TVP23A: variants seen among roughly 807,000 people sequenced by gnomAD.
TVP23A encodes trans-golgi network vesicle protein 23 homolog A.
A neutral mutation model predicts 31.7 loss-of-function variants in TVP23A; 21 were observed. The observed-to-expected ratio is 0.66, with a 90% CI of 0.47 to 0.95. The LOEUF (loss-of-function observed/expected upper bound fraction) is 0.95. TVP23A is among the 40% of genes least tolerant of loss of function. The pLI is 0.00. For missense variants in TVP23A, 279 were observed against 255.6 expected, an observed-to-expected ratio of 1.09 and a Z score of -0.62; for synonymous variants, 104 against 96.0, an observed-to-expected ratio of 1.08 and a Z score of -0.49.
At chr16:10,788,757 T>G (rs2142981744) in intron 2 of TVP23A, among the ~76,000 whole-genome samples, 1 of 152,294 alleles carries the variant, frequency 6.6e-6, no homozygotes, top group African/African-American at 2.4e-5. Flanking sequence ...TAAATGAATC[T>G]CCTTTGTGCT....
chr16:10,785,713 T>C (rs1056191342), intron 2 of TVP23A, among the ~76,000 whole-genome samples: 2 of 152,106 alleles, frequency 1.3e-5, no homozygotes, highest in Admixed American at 1.3e-4. Flanking sequence ...AAGATGAACA[T>C]TGGTTGGGTC....
downstream of TVP23A, among the ~76,000 whole-genome samples, chr16:10,763,070 G>A (rs1464664945): frequency 6.6e-6 from 1 of 152,082 alleles, no homozygotes; most frequent in Non-Finnish European, 1.5e-5. Context: ...GAGGGTCAAG[G>A]TTGTCCCTGC....
At chr16:10,810,646 A>G (rs28770310) in intron 2 of TVP23A, among the ~76,000 whole-genome samples, 115 of 152,204 alleles carry the variant, frequency 7.6e-4, no homozygotes, top group African/African-American at 2.7e-3. Context: ...TGAATACGAC[A>G]ACAAAGAAAG....
In TVP23A at chr16:10,768,842, C is replaced by A; in HGVS notation, c.*260G>T. On this transcript the variant is annotated 3_prime_UTR_variant, in exon 8 of 8. Coordinates refer to ENST00000299866, the MANE Select transcript of TVP23A (RefSeq NM_001079512.4). This position sits in a 1 kb window ranked among gnomAD's most constrained non-coding sequence, Gnocchi z 4.3. The stretch of plus-strand genomic sequence containing the variant: ...CATCTATAGATGGTCCGAGGAAGGC[C>A]GCAGCCACTGGTTATGAGCAAGATG... 1 of 526,504 alleles carries A rather than the reference C, an allele frequency of 1.9e-6. No homozygotes were observed. Among genetic ancestry groups the A allele is most frequent in the Non-Finnish European group, 3.4e-6 (1 of 296,672 alleles). 32.6% of individuals were successfully genotyped at this position (526,504 alleles called of 1,614,324 possible). A position where few individuals can be genotyped will look rare whatever the true frequency, so the allele number is the denominator to read the frequency against.
At chr16:10,771,827 A>G (rs1413814534) in intron 5 of TVP23A, 29 bp from the exon 6 acceptor site, 9 of 1,550,886 alleles carry the variant, frequency 5.8e-6, no homozygotes, top group Non-Finnish European at 7.8e-6. Context: ...AGCAAAGGTC[A>G]CTTTTTTTTG....
chr16:10,816,121 G>A (rs1205894038), intron 2 of TVP23A, among the ~76,000 whole-genome samples: 1 of 151,844 alleles, frequency 6.6e-6, no homozygotes, highest in Non-Finnish European at 1.5e-5. Flanking sequence ...TAGCTACTAG[G>A]GAGGCTGAGG....
In TVP23A at chr16:10,767,939, C is replaced by A; in HGVS notation, c.*1163G>T. ...GGACTGAATTGTCTTCCGTTTGTTTCTTTTTTAAGGTAAGAATTGTGACAA... is the reference window on the plus strand; with the variant it reads ...GGACTGAATTGTCTTCCGTTTGTTTATTTTTTAAGGTAAGAATTGTGACAA... On this transcript the variant is annotated 3_prime_UTR_variant, in exon 8 of 8. Transcript: ENST00000299866. This position sits in a 1 kb window ranked among gnomAD's most constrained non-coding sequence, Gnocchi z 4.6. The A allele has an allele frequency of 6.2e-7, 1 of 1,613,884 alleles. No individual in the cohort carries two copies. The highest frequency in any genetic ancestry group is 1.7e-5 in the Admixed American group (1 of 60,010).
At chr16:10,796,419 A>ATTTTC (rs1489751945) in intron 2 of TVP23A, among the ~76,000 whole-genome samples, 34 of 140,556 alleles carry the variant, frequency 2.4e-4, no homozygotes, top group African/African-American at 9.6e-4. Flanking sequence ...AGTAAAAGGG[A>ATTTTC]TTTTATTTTA....
At chr16:10,801,166 T>C (rs1336086958) in intron 2 of TVP23A, among the ~76,000 whole-genome samples, 4 of 151,944 alleles carry the variant, frequency 2.6e-5, no homozygotes, top group East Asian at 3.9e-4. Flanking sequence ...CCTGGGATTG[T>C]AGGTAAGAGG....
chr16:10,784,321 T>C (rs1369553271), intron 2 of TVP23A, among the ~76,000 whole-genome samples: 2 of 147,770 alleles, frequency 1.4e-5, no homozygotes, highest in African/African-American at 5.0e-5. Flanking sequence ...AGAGCAAGAC[T>C]CTGTCTCAAA....
intron 2 of TVP23A, among the ~76,000 whole-genome samples, chr16:10,810,309 G>A (rs1270667088): frequency 6.6e-6 from 1 of 152,124 alleles, no homozygotes; most frequent in African/African-American, 2.4e-5. Flanking sequence ...AGCACTTTGA[G>A]AGGCCAAGGT....
chr16:10,816,228 CAAAAAAA>C (rs760801777), intron 2 of TVP23A, among the ~76,000 whole-genome samples: 3,302 of 73,872 alleles, frequency 0.045, 162 homozygotes, highest in African/African-American at 0.12. Flanking sequence ...AACCCTATCT[CAAAAAAA>C]AAAAAAAAAA....
At chr16:10,799,205 C>T (rs77132986) in intron 2 of TVP23A, among the ~76,000 whole-genome samples, 3,548 of 152,326 alleles carry the variant, frequency 0.023, 131 homozygotes, top group African/African-American at 0.081. Context: ...ACCACCCAGC[C>T]GAGCTGCTCC....
In TVP23A at chr16:10,800,585, A is replaced by ATGAGTTAATATGAAG. The variant is rs1157560801; in HGVS notation, c.89+17517_89+17518insCTTCATATTAACTCA. Among the ~76,000 whole-genome samples, 19 of 152,360 alleles carry ATGAGTTAATATGAAG rather than the reference A, an allele frequency of 1.2e-4. No individual in the cohort carries two copies. The South Asian group carries it at 3.7e-3, about 30-fold the overall frequency. On this transcript the variant is annotated intron_variant, in intron 2 of 7. Coordinates refer to ENST00000299866, the MANE Select transcript of TVP23A (RefSeq NM_001079512.4). ...TTTAATGGGAGAATTGAGTGGTCAT[A>ATGAGTTAATATGAAG]TTAACTCCTTCAGCAAATACTGAAT...
chr16:10,770,446 C>T, intron 6 of TVP23A, 115 bp from the exon 7 acceptor site: 6 of 1,163,658 alleles, frequency 5.2e-6, no homozygotes, highest in Non-Finnish European at 7.2e-6. Flanking sequence ...GAATTGGTTG[C>T]TTGATGTCTT....
chr16:10,804,469 C>T (rs537736897), intron 2 of TVP23A, among the ~76,000 whole-genome samples: 4 of 152,242 alleles, frequency 2.6e-5, no homozygotes, highest in East Asian at 3.9e-4. Flanking sequence ...GCCAGCAGGC[C>T]GGGCACAGTA....
chr16:10,774,945 G>A lies in TVP23A; in HGVS notation c.234+7C>T, dbSNP rs1015891587. On this transcript the variant is annotated splice_region_variant and intron_variant, in intron 3 of 7. Coordinates refer to ENST00000299866, the MANE Select transcript of TVP23A (RefSeq NM_001079512.4). The stretch of plus-strand genomic sequence containing the variant: ...GGAAGTGATGACATCACACGAAAGG[G>A]CCTCACCTTCACAGACCAGAAGTCC... The A allele has an allele frequency of 1.2e-6, 2 of 1,611,280 alleles. No individual in the cohort carries two copies. Among genetic ancestry groups the A allele is most frequent in the Middle Eastern group, 1.7e-4 (1 of 6,060 alleles).
At chr16:10,795,822 G>A (rs899117451) in intron 2 of TVP23A, among the ~76,000 whole-genome samples, 6 of 152,050 alleles carry the variant, frequency 3.9e-5, no homozygotes, top group Admixed American at 3.3e-4. Context: ...GAGCACCAAC[G>A]GTTCCTGAGA....
chr16:10,779,733 A>G lies in TVP23A; in HGVS notation c.90-4637T>C, dbSNP rs2032303483. Reference sequence around the variant, plus strand: ...TCGCCAGGCCAACTTAAAATTACCAAGTTTTCCAGAGCTTATATACCTTCT... The same window carrying G: ...TCGCCAGGCCAACTTAAAATTACCAGGTTTTCCAGAGCTTATATACCTTCT... On this transcript the variant is annotated intron_variant, in intron 2 of 7. Transcript: ENST00000299866. This position sits in a 1 kb window ranked among gnomAD's most constrained non-coding sequence, Gnocchi z 4.9. Among the ~76,000 whole-genome samples, 3 of 152,226 alleles carry G rather than the reference A, an allele frequency of 2.0e-5. No homozygotes were observed. The highest frequency in any genetic ancestry group is 2.0e-4 in the Admixed American group (3 of 15,288).
Sources: gnomAD v4.1 joint callset for allele counts (sites outside exome capture counted in the v4.1 genomes callset) on GRCh38, gnomAD v4.1.1 for gene constraint, Gnocchi (gnomAD v3.1) non-coding constraint, MANE v1.5 for transcripts, NCBI Gene and HGNC (gene_info 2026-07-23, HGNC 2026-07-21) for gene names.